Variants in LTBR observed in about 807,000 individuals in gnomAD.
The protein encoded by LTBR is lymphotoxin beta receptor, also known as tumor necrosis factor receptor superfamily member 3.
LTBR carries 15 observed loss-of-function variants against 45.4 expected under a neutral mutation model. That is an observed-to-expected ratio of 0.33 (90% CI 0.22 to 0.51). The LOEUF is 0.51. Among genes scored for constraint, LTBR ranks in the 20% least tolerant of loss-of-function variants. The pLI is 0.97. For missense variants in LTBR, 450 were observed against 565.5 expected, an observed-to-expected ratio of 0.80 and a Z score of 2.07; for synonymous variants, 228 against 231.0, an observed-to-expected ratio of 0.99 and a Z score of 0.12.
intron 1 of LTBR, among the ~76,000 whole-genome samples, chr12:6,376,725 A>T (rs980565769): frequency 6.6e-6 from 1 of 152,110 alleles, no homozygotes; most frequent in Non-Finnish European, 1.5e-5. Context: ...CGGGAGAGCC[A>T]CCCACACAAC....
rs1949027436 is a variant in LTBR at position 6,385,329 on chromosome 12, A to T, written c.422A>T (p.His141Leu). 1 of 1,614,006 alleles carries T rather than the reference A, an allele frequency of 6.2e-7. No homozygotes were observed. Among genetic ancestry groups the T allele is most frequent in the African/African-American group, 1.3e-5 (1 of 74,898 alleles). The change falls in exon 4 of 10, where the codon CAC (histidine) becomes CTC (leucine). Residue 141 changes from histidine (H) to leucine (L), a missense_variant. Physicochemically the swap from His to Leu is moderately conservative, Grantham distance 99. Coordinates refer to ENST00000228918, the MANE Select transcript of LTBR (RefSeq NM_002342.3). ...FCAAWALECT[H>L]CELLSDCPPG... Reference sequence around the variant, plus strand: ...GCTGCCTGGGCCCTCGAGTGTACACACTGCGAGCTACTTTCTGACTGCCCG... The same window carrying T: ...GCTGCCTGGGCCCTCGAGTGTACACTCTGCGAGCTACTTTCTGACTGCCCG...
intron 8 of LTBR, chr12:6,389,144 GAC>G (rs1286647015): frequency 6.8e-6 from 2 of 293,712 alleles, no homozygotes; most frequent in East Asian, 1.6e-4. Context: ...GGGTATTTTA[GAC>G]AGAGTGGAGA....
chr12:6,377,542 T>C, intron 1 of LTBR: 1 of 786,358 alleles, frequency 1.3e-6, no homozygotes, highest in Non-Finnish European at 2.0e-6. Context: ...GCCCGTGGAT[T>C]CGTCTGCTCT....
In LTBR at chr12:6,385,221, C is replaced by T; in HGVS notation, c.320-6C>T. The T allele has an allele frequency of 6.2e-7, 1 of 1,614,136 alleles. No individual in the cohort carries two copies. The highest frequency in any genetic ancestry group is 8.5e-7 in the Non-Finnish European group (1 of 1,180,032). On this transcript the variant is annotated splice_polypyrimidine_tract_variant and splice_region_variant and intron_variant, in intron 3 of 9. Coordinates refer to ENST00000228918, the MANE Select transcript of LTBR (RefSeq NM_002342.3). ...CCCTCCCTGAGCCCTCCCGTCTCCC[C>T]GCCAGTGATGGGCCTCGAGGAGATT...
At chr12:6,385,855 A>T (rs1949037571) in intron 4 of LTBR, 5 of 450,230 alleles carry the variant, frequency 1.1e-5, no homozygotes, top group Non-Finnish European at 2.0e-5. Flanking sequence ...CAGTGAGCCG[A>T]GATCGCGCCA....
intron 1 of LTBR, among the ~76,000 whole-genome samples, chr12:6,379,141 G>A (rs530754568): frequency 2.6e-5 from 4 of 152,114 alleles, no homozygotes; most frequent in Admixed American, 6.6e-5. Flanking sequence ...GTGTTTGTAC[G>A]TATACATCCG....
At chr12:6,383,917 C>T, upstream of LTBR, 1 of 663,036 alleles carries the variant, frequency 1.5e-6, no homozygotes, top group Non-Finnish European at 1.9e-6. Flanking sequence ...TGTCCAAGGG[C>T]TGACCCCGGG....
At position 6,390,256 on chromosome 12, in the gene LTBR, G is replaced by A; in HGVS notation, c.946G>A (p.Ala316Thr). ...TGLPAAPVLE[A>T]GVPQQQSPLD... is the part of the protein sequence containing the mutation. ...GCTCCCCGCAGCCCCAGTTTTGGAG[G>A]CAGGGGTGCCGCAACAGCAGAGTCC... The change falls in exon 9 of 10, where the codon GCA becomes ACA. Residue 316 changes from alanine to threonine, a missense_variant. Physicochemically the swap from Ala to Thr is moderately conservative, Grantham distance 58. Around this residue, in one of 3 missense-constraint regions of LTBR, gnomAD observed 367 missense variants for 435.4 expected, o/e 0.84. Transcript: ENST00000228918. The A allele has an allele frequency of 2.5e-6, 4 of 1,614,100 alleles. No homozygotes were observed. The highest frequency in any genetic ancestry group is 3.4e-6 in the Non-Finnish European group (4 of 1,180,024).
intron 1 of LTBR, chr12:6,377,106 T>G: frequency 1.6e-6 from 1 of 610,130 alleles, no homozygotes; most frequent in Non-Finnish European, 2.9e-6. Context: ...AAGCAAGGAG[T>G]TTAGCAGGCA....
upstream of LTBR, among the ~76,000 whole-genome samples, chr12:6,379,527 C>T (rs1452984448): frequency 6.6e-6 from 1 of 152,216 alleles, no homozygotes; most frequent in Non-Finnish European, 1.5e-5. Flanking sequence ...TGGAAGACAA[C>T]AGTCCTTTCA....
In LTBR at chr12:6,390,283, C is replaced by T. The variant is rs1949098027; in HGVS notation, c.973C>T (p.Leu325=). 6 of 1,613,872 alleles carry T rather than the reference C, an allele frequency of 3.7e-6. No homozygotes were observed. Among genetic ancestry groups the T allele is most frequent in the Non-Finnish European group, 5.1e-6 (6 of 1,179,902 alleles). Residue 325 remains leucine, a synonymous_variant, in exon 9 of 10, where the codon CTG becomes TTG. Coordinates refer to ENST00000228918, the MANE Select transcript of LTBR (RefSeq NM_002342.3). ...AGGGGTGCCGCAACAGCAGAGTCCTCTGGACCTGACCAGGGAGCCGCAGTT... is the reference window on the plus strand; with the variant it reads ...AGGGGTGCCGCAACAGCAGAGTCCTTTGGACCTGACCAGGGAGCCGCAGTT... ...EAGVPQQQSP[L]DLTREPQLEP...
chr12:6,375,168 TCCAGGA>T, upstream of LTBR: 1 of 1,457,194 alleles, frequency 6.9e-7, no homozygotes, highest in Non-Finnish European at 9.0e-7. Context: ...GTCTTCTTCC[TCCAGGA>T]TCTGTGTCTC....
At chr12:6,383,786 C>A (rs1949006649), upstream of LTBR, among the ~76,000 whole-genome samples, 1 of 152,238 alleles carries the variant, frequency 6.6e-6, no homozygotes, top group South Asian at 2.1e-4. Flanking sequence ...CTTCTGCGGC[C>A]TTGCAGTCCC....
rs1949069019 is a variant in LTBR at position 6,388,087 on chromosome 12, T to C, written c.668-311T>C. 2.0e-5 allele frequency among the ~76,000 whole-genome samples: 3 copies of C among 152,094 alleles called. No individual in the cohort carries two copies. The highest frequency in any genetic ancestry group is 6.5e-5 in the Admixed American group (1 of 15,272). The stretch of plus-strand genomic sequence containing the variant: ...AAATCAACTGCCTAAGCTCCCATCC[T>C]GCACACACAAGCCTGCCCAATCCTG... On this transcript the variant is annotated intron_variant, in intron 6 of 9. Coordinates refer to ENST00000228918, the MANE Select transcript of LTBR (RefSeq NM_002342.3). The surrounding 1 kb of genome is among the most constrained non-coding windows in gnomAD (Gnocchi z 4.3).
rs1407015892 is a variant in LTBR, at chr12:6,390,166, T to C, written c.856T>C (p.Tyr286His). 22 of 1,613,912 alleles carry C rather than the reference T, an allele frequency of 1.4e-5. No homozygotes were observed. The highest frequency in any genetic ancestry group is 1.9e-5 in the Non-Finnish European group (22 of 1,180,022). Residue 286 changes from tyrosine (Y) to histidine (H), a missense_variant, in exon 9 of 10, where the codon TAC (tyrosine) becomes CAC (histidine). This residue lies in a region of LTBR where 367 missense variants were observed against 435.4 expected (regional missense o/e 0.84). Transcript: ENST00000228918. ...CTGGGAGCCTCCGAAGGCCCATCCA[T>C]ACTTCCCTGACTTGGTACAGCCACT... ...GSWEPPKAHP[Y>H]FPDLVQPLLP...
intron 1 of LTBR, chr12:6,377,748 C>A: frequency 3.6e-6 from 4 of 1,112,840 alleles, no homozygotes; most frequent in Non-Finnish European, 4.8e-6. Context: ...ACCTCCCTGC[C>A]TTTTCTATTT....
intron 8 of LTBR, 147 bp from the exon 9 acceptor site, chr12:6,389,965 G>A (rs113333503): frequency 1.6e-6 from 1 of 640,374 alleles, no homozygotes; most frequent in African/African-American, 1.8e-5. Flanking sequence ...TGGAAAGAAA[G>A]AAAGAGAGAG....
upstream of LTBR, chr12:6,375,347 C>A: frequency 6.9e-7 from 1 of 1,447,794 alleles, no homozygotes; most frequent in Non-Finnish European, 9.0e-7. Context: ...AGCCTCTGGC[C>A]CTGACCTCGA....
upstream of LTBR, among the ~76,000 whole-genome samples, chr12:6,383,239 C>A (rs1949001955): frequency 6.6e-6 from 1 of 151,912 alleles, no homozygotes. Flanking sequence ...ACCAGAGAAC[C>A]ACGTGTAAAA....
Sources: allele counts gnomAD v4.1 joint callset (sites outside exome capture counted in the v4.1 genomes callset), GRCh38; gene constraint gnomAD v4.1.1; regional missense constraint gnomAD v4.1.1; non-coding constraint Gnocchi (gnomAD v3.1); transcripts MANE v1.5; gene names NCBI Gene and HGNC (gene_info 2026-07-23, HGNC 2026-07-21).